The following SRGAP2 variants were observed in gnomAD, a reference collection of about 807,000 sequenced individuals.
SRGAP2 encodes SLIT-ROBO Rho GTPase activating protein 2.
A neutral mutation model predicts 57.2 loss-of-function variants in SRGAP2; 15 were observed. The observed-to-expected ratio is 0.26, with a 90% CI of 0.18 to 0.40. The LOEUF (loss-of-function observed/expected upper bound fraction) is 0.40, where lower values mean the gene tolerates loss of function less well. Ranked by LOEUF, SRGAP2 falls within the 10% of genes least tolerant of loss-of-function variation. The pLI is 1.00. For missense variants in SRGAP2, 520 were observed against 669.6 expected, an observed-to-expected ratio of 0.78 and a Z score of 2.47; for synonymous variants, 249 against 248.0, an observed-to-expected ratio of 1.00 and a Z score of -0.04.
chr1:206,206,387 A>T (rs1665918723), intron 2 of SRGAP2: 1 of 226,562 alleles, frequency 4.4e-6, no homozygotes, highest in South Asian at 8.7e-5. Flanking sequence ...TCCTTGAAAG[A>T]CAACTGAAAT....
chr1:206,451,441 T>C (rs1184389118), intron 19 of SRGAP2, among the ~76,000 whole-genome samples: 1 of 152,218 alleles, frequency 6.6e-6, no homozygotes, highest in Admixed American at 6.5e-5. Context: ...TCACATGGGC[T>C]CTGGAAGTCT....
At chr1:206,442,952 T>C (rs1332012749) in intron 17 of SRGAP2, among the ~76,000 whole-genome samples, 2 of 152,182 alleles carry the variant, frequency 1.3e-5, no homozygotes, top group East Asian at 1.9e-4. Context: ...TGTTCTTGGA[T>C]TGGACACATT....
At chr1:206,314,116 T>TTTG (rs1171403452) in intron 3 of SRGAP2, among the ~76,000 whole-genome samples, 33 of 149,228 alleles carry the variant, frequency 2.2e-4, no homozygotes, top group African/African-American at 4.0e-4. Flanking sequence ...TTTTTTTTTT[T>TTTG]TTGTTGTTGT....
At chr1:206,238,758 A>T (rs1668032069) in intron 2 of SRGAP2, among the ~76,000 whole-genome samples, 1 of 152,176 alleles carries the variant, frequency 6.6e-6, no homozygotes, top group South Asian at 2.1e-4. Flanking sequence ...ATAGCTGCTG[A>T]CCTTGGTAGG....
Position 206,262,881 on chromosome 1 carries a change from GT to G in SRGAP2, c.68-40386del, listed in dbSNP as rs564766960. ...TGAACAGGGTTTTATCGTGGGTTTT[GT>G]TTTTTTTTTTTTTGTCTTCTGAAAA... On this transcript the variant is annotated intron_variant, in intron 2 of 22. Coordinates refer to ENST00000573034, the MANE Select transcript of SRGAP2 (RefSeq NM_015326.5). Among the ~76,000 whole-genome samples the G allele has an allele frequency of 5.0e-4, 32 of 63,594 alleles. 3 individuals carry two copies. In the East Asian group the frequency reaches 0.012, roughly 23 times the overall value. The allele number at this position is 63,594 out of a possible 152,430, so 41.7% of individuals were successfully genotyped here. A position where few individuals can be genotyped will look rare whatever the true frequency, so the allele number is the denominator to read the frequency against.
chr1:206,460,521 C>T (rs1664173450), intron 22 of SRGAP2, among the ~76,000 whole-genome samples: 1 of 152,126 alleles, frequency 6.6e-6, no homozygotes, highest in African/African-American at 2.4e-5. Context: ...TGAAACTTTC[C>T]TCAGCCCCTG....
intron 2 of SRGAP2, among the ~76,000 whole-genome samples, chr1:206,249,260 A>G (rs1668691067): frequency 6.6e-6 from 1 of 151,242 alleles, no homozygotes; most frequent in South Asian, 2.1e-4. Context: ...CCAAAGGTTT[A>G]AAAATCATTC....
chr1:206,344,857 A>G (rs1470468823), intron 4 of SRGAP2, among the ~76,000 whole-genome samples: 1 of 151,570 alleles, frequency 6.6e-6, no homozygotes, highest in Non-Finnish European at 1.5e-5. Context: ...GGCATATGAC[A>G]TCCATGAAGA....
chr1:206,445,986 T>C, intron 17 of SRGAP2, 89 bp from the exon 18 acceptor site: 1 of 713,620 alleles, frequency 1.4e-6, no homozygotes, highest in Non-Finnish European at 2.6e-6. Flanking sequence ...GACCTTCTGC[T>C]TTTGCTCTTG....
Position 206,454,537 on chromosome 1 carries a change from C to A in SRGAP2, c.2361-341C>A, listed in dbSNP as rs1161451076. 2 of 408,250 alleles carry A rather than the reference C, an allele frequency of 4.9e-6. No homozygotes were observed. Among genetic ancestry groups the A allele is most frequent in the Non-Finnish European group, 8.7e-6 (2 of 229,086 alleles). The allele number at this position is 408,250 out of a possible 1,614,324, so 25.3% of individuals were successfully genotyped here. A position where few individuals can be genotyped will look rare whatever the true frequency, so the allele number is the denominator to read the frequency against. On this transcript the variant is annotated intron_variant, in intron 20 of 22. Coordinates refer to ENST00000573034, the MANE Select transcript of SRGAP2 (RefSeq NM_015326.5). This position sits in a 1 kb window ranked among gnomAD's most constrained non-coding sequence, Gnocchi z 4.3. ...CCGATAAACCACAACCTGGACTTGC[C>A]GCCTCCTTCTCCAGGAGGCCGCCCC...
At chr1:206,284,889 A>G (rs1670934450) in intron 2 of SRGAP2, among the ~76,000 whole-genome samples, 1 of 152,232 alleles carries the variant, frequency 6.6e-6, no homozygotes, top group African/African-American at 2.4e-5. Flanking sequence ...GGCCTAGATA[A>G]TGATGTTTAT....
At chr1:206,427,309 C>T (rs1229502208) in intron 13 of SRGAP2, among the ~76,000 whole-genome samples, 1 of 152,136 alleles carries the variant, frequency 6.6e-6, no homozygotes, top group Non-Finnish European at 1.5e-5. Context: ...GAAGAGAAGA[C>T]AAAGATTCTT....
chr1:206,455,262 T>C, intron 21 of SRGAP2: 2 of 561,668 alleles, frequency 3.6e-6, no homozygotes, highest in South Asian at 4.0e-5. Context: ...AAGGGTGCTT[T>C]ACTGTGTGTT....
chr1:206,413,765 A>C (rs1290658570), intron 10 of SRGAP2, among the ~76,000 whole-genome samples: 1 of 152,212 alleles, frequency 6.6e-6, no homozygotes, highest in South Asian at 2.1e-4. Context: ...GAGAGGAGGC[A>C]GTCTGAAGAA....
chr1:206,423,841 C>G (rs1217349365), intron 13 of SRGAP2, among the ~76,000 whole-genome samples: 2 of 151,198 alleles, frequency 1.3e-5, no homozygotes, highest in Non-Finnish European at 2.9e-5. Flanking sequence ...GTGGCACAAT[C>G]TTGGCTCCCT....
chr1:206,387,528 G>GT (rs1185341109), intron 5 of SRGAP2, among the ~76,000 whole-genome samples: 1 of 89,744 alleles, frequency 1.1e-5, no homozygotes, highest in Admixed American at 1.2e-4. Context: ...GACGTTGTAG[G>GT]CAATAGAAGT....
At chr1:206,210,979 C>T (rs1428611434) in intron 2 of SRGAP2, among the ~76,000 whole-genome samples, 4 of 152,190 alleles carry the variant, frequency 2.6e-5, no homozygotes, top group African/African-American at 9.7e-5. Flanking sequence ...GTACCATACT[C>T]TGCATCTTGC....
At chr1:206,395,985 CTTTT>C (rs375908687) in intron 7 of SRGAP2, among the ~76,000 whole-genome samples, 1 of 131,202 alleles carries the variant, frequency 7.6e-6, no homozygotes, top group Non-Finnish European at 1.6e-5. Flanking sequence ...TCTCATGTTT[CTTTT>C]TTTTTTTTTT....
rs1200757201 is a variant in SRGAP2, at chr1:206,397,620, C to T, written c.832-3801C>T. On this transcript the variant is annotated intron_variant, in intron 7 of 22. Transcript: ENST00000573034. ...GTAGGAATCCACGTGAGGCATCTGC[C>T]ACACTGGGGAAACCTTGACTTCAGG... 1.1e-4 allele frequency among the ~76,000 whole-genome samples: 16 copies of T among 145,788 alleles called. 2 individuals are homozygous for T. The highest frequency in any genetic ancestry group is 2.1e-4 in the Non-Finnish European group (14 of 67,516).
Sources: allele counts gnomAD v4.1 joint callset (sites outside exome capture counted in the v4.1 genomes callset), GRCh38; gene constraint gnomAD v4.1.1; non-coding constraint Gnocchi (gnomAD v3.1); transcripts MANE v1.5; gene names NCBI Gene and HGNC (gene_info 2026-07-23, HGNC 2026-07-21).